SCLT1: variants seen among roughly 807,000 people sequenced by gnomAD.
The protein encoded by SCLT1 is sodium channel-associated protein 1.
A neutral mutation model predicts 112.8 loss-of-function variants in SCLT1; 78 were observed. The ratio of observed to expected loss-of-function variants is 0.69; its 90% confidence interval spans 0.58 to 0.83. The LOEUF is 0.83. Among genes scored for constraint, SCLT1 ranks in the 40% least tolerant of loss-of-function variants. SCLT1 has a pLI of 0.00. For missense variants in SCLT1, 747 were observed against 770.4 expected (o/e 0.97, Z 0.36); for synonymous variants, 257 against 254.7 (o/e 1.01, Z -0.09).
chr4:128,949,315 C>T (rs201174048), intron 14 of SCLT1, among the ~76,000 whole-genome samples: 4 of 149,618 alleles, frequency 2.7e-5, no homozygotes, highest in East Asian at 2.0e-4. Context: ...ACCCTGTTTG[C>T]GACCCACTAA....
intron 5 of SCLT1, 121 bp from the exon 6 acceptor site, chr4:129,003,997 G>T: frequency 1.2e-6 from 1 of 828,902 alleles, no homozygotes; most frequent in Non-Finnish European, 1.9e-6. Context: ...TTTTTAAGTA[G>T]ACTTCAAATA....
intron 2 of SCLT1, among the ~76,000 whole-genome samples, chr4:129,044,418 T>C (rs937857063): frequency 2.6e-5 from 4 of 151,658 alleles, no homozygotes; most frequent in African/African-American, 9.7e-5. Flanking sequence ...TTATTAGAAC[T>C]AGTAAGATAA....
At chr4:129,068,765 C>T (rs1434046275) in intron 2 of SCLT1, among the ~76,000 whole-genome samples, 1 of 152,050 alleles carries the variant, frequency 6.6e-6, no homozygotes, top group Non-Finnish European at 1.5e-5. Flanking sequence ...GTACAAAAGC[C>T]CTTTAGTTTA....
chr4:128,920,190 G>A (rs1199774919), intron 18 of SCLT1, among the ~76,000 whole-genome samples: 4 of 152,086 alleles, frequency 2.6e-5, no homozygotes, highest in African/African-American at 7.2e-5. Flanking sequence ...TCAAAAAGAC[G>A]ATCCGCCACA....
At chr4:128,874,745 T>TTATC (rs1489425917) in intron 4 of SCLT1, 1 of 152,624 alleles carries the variant, frequency 6.6e-6, no homozygotes, top group African/African-American at 2.4e-5. Flanking sequence ...TTTTTAAGCT[T>TTATC]TATCTTTCCT....
intron 5 of SCLT1, among the ~76,000 whole-genome samples, chr4:129,015,087 C>G (rs759803943): frequency 6.6e-6 from 1 of 152,036 alleles, no homozygotes; most frequent in Non-Finnish European, 1.5e-5. Context: ...GGAGTGCTGG[C>G]AGGGTGGGAC....
chr4:129,038,025 TG>T, intron 5 of SCLT1: 1 of 152,664 alleles, frequency 6.6e-6, no homozygotes. Context: ...TCCCAGCTAC[TG>T]GGGAGGCTGA....
In SCLT1 at chr4:128,889,591, T is replaced by G. The variant is rs1164201319; in HGVS notation, c.1909-817A>C. Among the ~76,000 whole-genome samples, 3 of 152,212 alleles carry G rather than the reference T, an allele frequency of 2.0e-5. No individual in the cohort carries two copies. In the East Asian group the frequency reaches 5.8e-4, roughly 29 times the overall value. On this transcript the variant is annotated intron_variant, in intron 19 of 20. Coordinates refer to ENST00000281142, the MANE Select transcript of SCLT1 (RefSeq NM_144643.4). ...GTTTAAGCCACCCAGTTTCTAATAC[T>G]TTGTTATGGCAAGAACTATACAGGC...
At chr4:129,063,987 T>C (rs1659326658) in intron 2 of SCLT1, among the ~76,000 whole-genome samples, 1 of 152,188 alleles carries the variant, frequency 6.6e-6, no homozygotes, top group African/African-American at 2.4e-5. Context: ...GAACTGAAAT[T>C]GTTCTTACAT....
chr4:129,074,332 GA>G lies in SCLT1; in HGVS notation c.102+7973del, dbSNP rs563927931. Among the ~76,000 whole-genome samples the G allele has an allele frequency of 7.0e-4, 106 of 152,154 alleles. 2 individuals are homozygous for G. The highest frequency in any genetic ancestry group is 2.5e-3 in the African/African-American group (102 of 41,540). ...ACTATTTTCTAATAACAATTGCTAA[GA>G]AAATACGAACCTAAGAATAAATGAC... On this transcript the variant is annotated intron_variant, in intron 2 of 20. Transcript: ENST00000281142.
intron 2 of SCLT1, among the ~76,000 whole-genome samples, chr4:129,049,308 T>C (rs1170812045): frequency 6.6e-6 from 1 of 151,790 alleles, no homozygotes; most frequent in African/African-American, 2.4e-5. Context: ...CCATAAAAAA[T>C]GATGAGTTCA....
intron 9 of SCLT1, among the ~76,000 whole-genome samples, chr4:128,985,145 C>A (rs1010366441): frequency 6.6e-6 from 1 of 152,022 alleles, no homozygotes. Flanking sequence ...GCCTTCAATT[C>A]TCTACTTCCA....
chr4:128,892,923 T>C (rs1436211335), intron 18 of SCLT1, among the ~76,000 whole-genome samples: 2 of 152,156 alleles, frequency 1.3e-5, no homozygotes, highest in African/African-American at 4.8e-5. Context: ...TTAATGTATC[T>C]TGTGCAGCTT....
At position 129,044,010 on chromosome 4, in the gene SCLT1, G is replaced by T; in HGVS notation, c.144C>A (p.Asn48Lys). Residue 48 changes from asparagine to lysine, a missense_variant, in exon 3 of 21, where the codon AAC becomes AAA. By Grantham distance (94) the Asn-to-Lys change is moderately conservative. Around this residue, in one of 2 missense-constraint regions of SCLT1, gnomAD observed 723 missense variants for 721.3 expected, o/e 1.00. Transcript: ENST00000281142. Reference sequence around the variant, plus strand: ...TACTTTACCTTTGGTCAAATACTAGGTTTTCAAATGTGTCGTCTCCTTCTC... The same window carrying T: ...TACTTTACCTTTGGTCAAATACTAGTTTTTCAAATGTGTCGTCTCCTTCTC... ...CQGEGDDTFENLVFDQSFLAP... is the reference protein window; with the variant it reads ...CQGEGDDTFEKLVFDQSFLAP... The T allele has an allele frequency of 6.5e-7, 1 of 1,544,030 alleles. No homozygotes were observed. Among genetic ancestry groups the T allele is most frequent in the Non-Finnish European group, 8.9e-7 (1 of 1,123,098 alleles).
intron 9 of SCLT1, chr4:128,971,409 T>C (rs2126034391): frequency 6.6e-6 from 1 of 152,144 alleles, no homozygotes; most frequent in African/African-American, 2.4e-5. Flanking sequence ...TTTCCTACAA[T>C]AGAAAATACA....
At chr4:128,942,349 A>G (rs1026605912) in intron 17 of SCLT1, among the ~76,000 whole-genome samples, 5 of 145,250 alleles carry the variant, frequency 3.4e-5, no homozygotes, top group African/African-American at 1.2e-4. Flanking sequence ...AGATGTAGAT[A>G]TTTATCATAA....
Position 128,952,836 on chromosome 4 carries a change from G to T in SCLT1, c.1151C>A (p.Ala384Glu), listed in dbSNP as rs1335153091. The change falls in exon 14 of 21, where the codon GCA becomes GAA. Residue 384 changes from alanine (A) to glutamate (E), a missense_variant. Physicochemically the swap from Ala to Glu is moderately radical, Grantham distance 107 (BLOSUM62 -1). This residue lies in a region of SCLT1 where 723 missense variants were observed against 721.3 expected (regional missense o/e 1.00). Transcript: ENST00000281142. ...TATATTACATTGTTTTTTGGTGTTTGCAACCTGTAAATTAAGACATTTACT... is the reference window on the plus strand; with the variant it reads ...TATATTACATTGTTTTTTGGTGTTTTCAACCTGTAAATTAAGACATTTACT... ...DATIRTKKEV[A>E]NTKKQCNIQI... The T allele has an allele frequency of 2.7e-6, 4 of 1,506,384 alleles. No individual in the cohort carries two copies. In the Admixed American group the frequency reaches 5.0e-5, roughly 19 times the overall value. The allele number at this position is 1,506,384 out of a possible 1,614,324, so 93.3% of individuals were successfully genotyped here.
intron 18 of SCLT1, among the ~76,000 whole-genome samples, chr4:128,930,741 A>C (rs993550234): frequency 3.9e-5 from 6 of 152,214 alleles, no homozygotes; most frequent in Non-Finnish European, 7.3e-5. Flanking sequence ...AATGTAATAT[A>C]AATTGAGTTT....
intron 11 of SCLT1, among the ~76,000 whole-genome samples, chr4:128,963,941 C>T (rs994322997): frequency 1.3e-5 from 2 of 151,930 alleles, no homozygotes; most frequent in Non-Finnish European, 2.9e-5. Flanking sequence ...ATCATCAAAG[C>T]ACTTGGAAAA....
Sources: allele counts gnomAD v4.1 joint callset (sites outside exome capture counted in the v4.1 genomes callset), GRCh38; gene constraint gnomAD v4.1.1; regional missense constraint gnomAD v4.1.1; transcripts MANE v1.5; gene names NCBI Gene and HGNC (gene_info 2026-07-23, HGNC 2026-07-21).